The following CADM2 variants were observed in gnomAD, a reference collection of about 807,000 sequenced individuals.
CADM2 encodes cell adhesion molecule 2.
A neutral mutation model predicts 49.8 loss-of-function variants in CADM2; 12 were observed. The ratio of observed to expected loss-of-function variants is 0.24; its 90% CI spans 0.15 to 0.39. CADM2 has a LOEUF of 0.39. Ranked by LOEUF, CADM2 falls within the 10% of genes least tolerant of loss-of-function variation. CADM2 has a pLI of 1.00. For synonymous variants in CADM2, 214 were observed against 175.4 expected (o/e 1.22, Z -1.74); for missense variants, 378 against 492.3 (o/e 0.77, Z 2.20).
chr3:85,113,677 TATTC>T (rs1362032914), intron 1 of CADM2, among the ~76,000 whole-genome samples: 1 of 149,352 alleles, frequency 6.7e-6, no homozygotes, highest in African/African-American at 2.5e-5. Flanking sequence ...TGCTTTTTTT[TATTC>T]ATTCGTTTTT....
intron 1 of CADM2, among the ~76,000 whole-genome samples, chr3:85,556,649 G>A (rs1260403629): frequency 6.6e-6 from 1 of 152,068 alleles, no homozygotes; most frequent in Non-Finnish European, 1.5e-5. Flanking sequence ...AGCACAGATT[G>A]CTCCAGGTCA....
intron 8 of CADM2, among the ~76,000 whole-genome samples, chr3:86,002,049 G>C (rs1730250554): frequency 6.6e-6 from 1 of 152,006 alleles, no homozygotes; most frequent in Non-Finnish European, 1.5e-5. Flanking sequence ...ACCAAGGAGA[G>C]GATGAATATA....
intron 1 of CADM2, among the ~76,000 whole-genome samples, chr3:85,142,713 G>T (rs896483316): frequency 2.6e-5 from 4 of 152,152 alleles, no homozygotes; most frequent in African/African-American, 9.7e-5. Flanking sequence ...AGAATCATAA[G>T]CTACGAACCT....
At chr3:85,983,829 T>A (rs1191297944) in intron 8 of CADM2, among the ~76,000 whole-genome samples, 2 of 151,588 alleles carry the variant, frequency 1.3e-5, no homozygotes, top group African/African-American at 2.4e-5. Context: ...CTTTCATCTA[T>A]CATTCATCTA....
intron 1 of CADM2, among the ~76,000 whole-genome samples, chr3:85,383,503 C>CATATATATATATATATATATATAT (rs1241135851): frequency 1.4e-4 from 15 of 109,218 alleles, no homozygotes; most frequent in South Asian, 2.9e-4. Flanking sequence ...TACATAAAAC[C>CATATATATATATATATATATATAT]ATATATATAT....
At chr3:85,449,686 A>G (rs1031599427) in intron 1 of CADM2, among the ~76,000 whole-genome samples, 1 of 152,146 alleles carries the variant, frequency 6.6e-6, no homozygotes, top group African/African-American at 2.4e-5. Flanking sequence ...ATTAAAGTAA[A>G]TGTGGAAAAC....
chr3:84,970,386 A>G (rs1464969561), intron 1 of CADM2, among the ~76,000 whole-genome samples: 1 of 151,776 alleles, frequency 6.6e-6, no homozygotes, highest in African/African-American at 2.4e-5. Context: ...AAAAGACTCT[A>G]CAATTTGTAG....
chr3:85,648,710 T>TC (rs1182913373), intron 1 of CADM2, among the ~76,000 whole-genome samples: 1 of 152,050 alleles, frequency 6.6e-6, no homozygotes, highest in Admixed American at 6.6e-5. Flanking sequence ...TGCAAGTTTT[T>TC]CTCCATTACT....
intron 3 of CADM2, among the ~76,000 whole-genome samples, chr3:85,827,246 C>A (rs1370985172): frequency 1.3e-5 from 2 of 151,902 alleles, no homozygotes; most frequent in East Asian, 1.9e-4. Context: ...ACCATAAAAT[C>A]TTGATAGCTC....
intron 1 of CADM2, among the ~76,000 whole-genome samples, chr3:85,191,503 T>A (rs2041206841): frequency 6.6e-6 from 1 of 151,976 alleles, no homozygotes; most frequent in Admixed American, 6.6e-5. Flanking sequence ...ATGAAAAAAA[T>A]TGGGACACTA....
intron 7 of CADM2, among the ~76,000 whole-genome samples, chr3:85,939,257 C>T (rs1451126388): frequency 6.6e-6 from 1 of 152,014 alleles, no homozygotes; most frequent in Non-Finnish European, 1.5e-5. Context: ...TTCCACTTGA[C>T]ACTACTATAG....
At chr3:85,104,550 C>T (rs531456776) in intron 1 of CADM2, among the ~76,000 whole-genome samples, 247 of 152,138 alleles carry the variant, frequency 1.6e-3, no homozygotes, top group Non-Finnish European at 2.9e-3. Flanking sequence ...CTTGGCGATG[C>T]GGGCTCTTTT....
intron 1 of CADM2, among the ~76,000 whole-genome samples, chr3:85,558,536 A>G (rs151334606): frequency 6.6e-6 from 1 of 152,182 alleles, no homozygotes; most frequent in African/African-American, 2.4e-5. Flanking sequence ...CTGCAAAATG[A>G]CATTTATGGT....
intron 1 of CADM2, among the ~76,000 whole-genome samples, chr3:85,702,250 A>G (rs148496684): frequency 4.5e-4 from 69 of 151,874 alleles, no homozygotes; most frequent in African/African-American, 1.6e-3. Context: ...TCTCCTAACA[A>G]CTCAGGGTAA....
At chr3:86,023,399 T>C (rs943294951) in intron 8 of CADM2, among the ~76,000 whole-genome samples, 1 of 151,014 alleles carries the variant, frequency 6.6e-6, no homozygotes, top group Non-Finnish European at 1.5e-5. Flanking sequence ...TTTGTTTTTT[T>C]GAGACAGAGT....
intron 1 of CADM2, among the ~76,000 whole-genome samples, chr3:85,398,804 C>A (rs1576481899): frequency 6.6e-6 from 1 of 152,166 alleles, no homozygotes; most frequent in East Asian, 1.9e-4. Context: ...TAAATGTCTC[C>A]TTTTGAGAAG....
chr3:85,278,717 CTTGT>C (rs1249491329), intron 1 of CADM2, among the ~76,000 whole-genome samples: 13 of 83,366 alleles, frequency 1.6e-4, no homozygotes, highest in African/African-American at 6.8e-4. Flanking sequence ...TGCTGATGTT[CTTGT>C]GTGTGTGTGT....
At chr3:85,597,436 G>A (rs570023467) in intron 1 of CADM2, among the ~76,000 whole-genome samples, 20 of 151,816 alleles carry the variant, frequency 1.3e-4, no homozygotes, top group African/African-American at 2.9e-4. Context: ...TTATCTCTTC[G>A]CAAATCACAT....
At chr3:86,019,354 G>A (rs1176777614) in intron 8 of CADM2, among the ~76,000 whole-genome samples, 2 of 144,042 alleles carry the variant, frequency 1.4e-5, no homozygotes, top group African/African-American at 2.6e-5. Flanking sequence ...TTGACTTGGT[G>A]ATGCGGGCTC....
Sources: gnomAD v4.1 joint callset for allele counts (sites outside exome capture counted in the v4.1 genomes callset) on GRCh38, gnomAD v4.1.1 for gene constraint, MANE v1.5 for transcripts, NCBI Gene and HGNC (gene_info 2026-07-23, HGNC 2026-07-21) for gene names.